The following DCDC1 variants were observed in gnomAD, a reference collection of about 807,000 sequenced individuals.
DCDC1 encodes the protein doublecortin domain containing 1.
DCDC1 carries 200 observed loss-of-function variants against 178.3 expected under a neutral mutation model. That is an observed-to-expected ratio of 1.12 (90% CI 1.00 to 1.26). The LOEUF (loss-of-function observed/expected upper bound fraction) is 1.26. Among genes scored for constraint, DCDC1 ranks in the 50% most tolerant of loss-of-function variants. DCDC1 has a pLI of 0.00. For missense variants in DCDC1, 1,983 were observed against 1,749.2 expected (o/e 1.13, Z -2.38); for synonymous variants, 690 against 604.8 (o/e 1.14, Z -2.07).
intron 34 of DCDC1, among the ~76,000 whole-genome samples, chr11:30,897,354 C>T (rs568784964): frequency 7.2e-5 from 11 of 151,926 alleles, no homozygotes; most frequent in Non-Finnish European, 1.6e-4. Flanking sequence ...TTTGGGAGGC[C>T]GAGGCAGGCA....
At chr11:31,008,286 G>A (rs1440749065) in intron 20 of DCDC1, among the ~76,000 whole-genome samples, 2 of 152,146 alleles carry the variant, frequency 1.3e-5, no homozygotes, top group African/African-American at 4.8e-5. Flanking sequence ...GATAATTAAA[G>A]GGATGAGAAG....
At chr11:31,190,237 C>T (rs933709239) in intron 9 of DCDC1, among the ~76,000 whole-genome samples, 1 of 152,034 alleles carries the variant, frequency 6.6e-6, no homozygotes, top group African/African-American at 2.4e-5. Flanking sequence ...TCTGATCATC[C>T]AAACAACCAA....
At chr11:31,164,661 T>C (rs956560885) in intron 9 of DCDC1, among the ~76,000 whole-genome samples, 1 of 152,156 alleles carries the variant, frequency 6.6e-6, no homozygotes, top group Non-Finnish European at 1.5e-5. Context: ...TAAATCTTAC[T>C]AGAAAACAGT....
At chr11:31,111,342 T>C (rs922887998) in intron 11 of DCDC1, among the ~76,000 whole-genome samples, 2 of 151,852 alleles carry the variant, frequency 1.3e-5, no homozygotes, top group East Asian at 3.9e-4. Flanking sequence ...GTTTTTGAAA[T>C]GTATTTAATT....
chr11:30,999,388 C>A (rs889715706), intron 20 of DCDC1, among the ~76,000 whole-genome samples: 2 of 152,116 alleles, frequency 1.3e-5, no homozygotes, highest in East Asian at 1.9e-4. Flanking sequence ...TCTATACTAC[C>A]TTTACAATTC....
intron 20 of DCDC1, among the ~76,000 whole-genome samples, chr11:31,040,144 A>T (rs1044027035): frequency 6.6e-6 from 1 of 152,192 alleles, no homozygotes; most frequent in African/African-American, 2.4e-5. Context: ...AAAAATTAAA[A>T]TACAGGACTG....
intron 30 of DCDC1, among the ~76,000 whole-genome samples, chr11:30,906,141 A>G (rs1945043781): frequency 6.6e-6 from 1 of 152,166 alleles, no homozygotes. Context: ...CTGAACAGTC[A>G]TTAACAACAA....
chr11:31,067,981 T>A (rs1472893373), intron 18 of DCDC1, among the ~76,000 whole-genome samples: 3 of 152,126 alleles, frequency 2.0e-5, no homozygotes, highest in African/African-American at 7.2e-5. Context: ...CTGAAAAACA[T>A]TAAACACCTA....
intron 33 of DCDC1, among the ~76,000 whole-genome samples, chr11:30,899,850 T>C (rs1300359954): frequency 6.6e-6 from 1 of 152,082 alleles, no homozygotes; most frequent in Non-Finnish European, 1.5e-5. Context: ...AGAAGAACGA[T>C]GCTGTTTTAT....
At chr11:31,292,037 G>T (rs1441151986) in intron 6 of DCDC1, among the ~76,000 whole-genome samples, 1 of 151,770 alleles carries the variant, frequency 6.6e-6, no homozygotes, top group African/African-American at 2.4e-5. Context: ...TTCACTCTCT[G>T]TTACCCACAC....
chr11:31,078,706 T>C (rs1221257944), intron 17 of DCDC1, among the ~76,000 whole-genome samples: 1 of 152,172 alleles, frequency 6.6e-6, no homozygotes, highest in African/African-American at 2.4e-5. Flanking sequence ...TACATCCAGT[T>C]ATGTAAAAGA....
chr11:31,173,432 A>C (rs956903613), intron 9 of DCDC1, among the ~76,000 whole-genome samples: 2 of 152,200 alleles, frequency 1.3e-5, no homozygotes, highest in Non-Finnish European at 2.9e-5. Context: ...TCCAAAAAGG[A>C]ATTTTAAGTT....
chr11:31,169,450 G>T (rs1016563727), intron 9 of DCDC1, among the ~76,000 whole-genome samples: 3 of 152,100 alleles, frequency 2.0e-5, no homozygotes, highest in Admixed American at 6.6e-5. Flanking sequence ...GAATATAAAG[G>T]TATAAAGTGG....
intron 20 of DCDC1, among the ~76,000 whole-genome samples, chr11:30,958,347 G>A (rs562831634): frequency 6.6e-6 from 1 of 152,240 alleles, no homozygotes; most frequent in African/African-American, 2.4e-5. Flanking sequence ...CAAGTGGACA[G>A]GATGCCCAAA....
intron 18 of DCDC1, among the ~76,000 whole-genome samples, chr11:31,070,604 G>A (rs751285632): frequency 1.3e-5 from 2 of 152,020 alleles, no homozygotes; most frequent in African/African-American, 2.4e-5. Flanking sequence ...TGTGACCTTG[G>A]GTAAGTTCAA....
chr11:31,145,798 C>A (rs1467458846), intron 9 of DCDC1, among the ~76,000 whole-genome samples: 2 of 152,090 alleles, frequency 1.3e-5, no homozygotes, highest in Non-Finnish European at 2.9e-5. Flanking sequence ...CTTGATTGTC[C>A]TTCTCAATTT....
chr11:30,905,224 A>G (rs1944978159), intron 30 of DCDC1, 60 bp from the exon 31 acceptor site: 1 of 1,502,236 alleles, frequency 6.7e-7, no homozygotes, highest in Non-Finnish European at 9.0e-7. Flanking sequence ...AGTGTGCTAC[A>G]CTTTAGTCTC....
At chr11:31,234,119 G>C (rs1976160204) in intron 9 of DCDC1, among the ~76,000 whole-genome samples, 1 of 152,108 alleles carries the variant, frequency 6.6e-6, no homozygotes, top group Non-Finnish European at 1.5e-5. Context: ...ATTAAGTGTT[G>C]ATAAATGAAC....
At chr11:31,230,996 G>A (rs909421058) in intron 9 of DCDC1, among the ~76,000 whole-genome samples, 13 of 151,820 alleles carry the variant, frequency 8.6e-5, no homozygotes, top group Non-Finnish European at 1.9e-4. Context: ...GTCTTGCTCT[G>A]TTGCCCAGGC....
Sources: gnomAD v4.1 joint callset for allele counts (sites outside exome capture counted in the v4.1 genomes callset) on GRCh38, gnomAD v4.1.1 for gene constraint, MANE v1.5 for transcripts, NCBI Gene and HGNC (gene_info 2026-07-23, HGNC 2026-07-21) for gene names.